The following BTNL9 variants were observed in gnomAD, a reference collection of about 807,000 sequenced individuals.
BTNL9 encodes the protein butyrophilin like 9.
In BTNL9, 45 loss-of-function variants were observed where a neutral mutation model predicts 45.8. The ratio of observed to expected loss-of-function variants is 0.98; its 90% confidence interval spans 0.77 to 1.26. The LOEUF is 1.26. Among genes scored for constraint, BTNL9 ranks in the 50% most tolerant of loss-of-function variants. The pLI, the probability that BTNL9 is intolerant of heterozygous loss-of-function variation, is 0.00. For synonymous variants in BTNL9, 346 were observed against 330.8 expected, an observed-to-expected ratio of 1.05 and a Z score of -0.50; for missense variants, 784 against 729.7, an observed-to-expected ratio of 1.07 and a Z score of -0.86.
In BTNL9 at chr5:181,059,552, T is replaced by C. The variant is rs752466398; in HGVS notation, c.1298T>C (p.Leu433Pro). The C allele has an allele frequency of 3.0e-5, 48 of 1,610,454 alleles. No individual in the cohort carries two copies. The highest frequency in any genetic ancestry group is 3.3e-4 in the Middle Eastern group (2 of 6,058). The change falls in exon 11 of 11, where the codon CTG becomes CCG. Residue 433 changes from leucine to proline, a missense_variant. Coordinates refer to ENST00000327705, the MANE Select transcript of BTNL9 (RefSeq NM_152547.5). ...GLWNGCEYFVLAPHRVALTLR... is the reference protein window; with the variant it reads ...GLWNGCEYFVPAPHRVALTLR... ...TGGAACGGCTGCGAGTACTTCGTCC[T>C]GGCCCCGCACCGCGTCGCGCTCACC...
chr5:181,050,377 G>A lies in BTNL9; in HGVS notation c.736+8G>A. On this transcript the variant is annotated splice_region_variant and intron_variant, in intron 4 of 10. Coordinates refer to ENST00000327705, the MANE Select transcript of BTNL9 (RefSeq NM_152547.5). The surrounding 1 kb of genome is among the most constrained non-coding windows in gnomAD (Gnocchi z 4.9). Reference sequence around the variant, plus strand: ...TGGTGGTCCAGATAGCAGGTCAGTGGCTGTTAGCTCACACCCATCTTCCTA... The same window carrying A: ...TGGTGGTCCAGATAGCAGGTCAGTGACTGTTAGCTCACACCCATCTTCCTA... 1 of 1,613,280 alleles carries A rather than the reference G, an allele frequency of 6.2e-7. No homozygotes were observed. The highest frequency in any genetic ancestry group is 8.5e-7 in the Non-Finnish European group (1 of 1,179,620).
chr5:181,042,248 C>A lies in BTNL9; in HGVS notation c.-24+1816C>A, dbSNP rs536783206. ...AAGGCTCCTGGGAGGACAAGCAGCACGTGCCCGCCGGCAGAGCTCAGCTCC... is the reference window on the plus strand; with the variant it reads ...AAGGCTCCTGGGAGGACAAGCAGCAAGTGCCCGCCGGCAGAGCTCAGCTCC... On this transcript the variant is annotated intron_variant, in intron 1 of 10. Coordinates refer to ENST00000327705, the MANE Select transcript of BTNL9 (RefSeq NM_152547.5). This position sits in a 1 kb window ranked among gnomAD's most constrained non-coding sequence, Gnocchi z 4.5. Among the ~76,000 whole-genome samples the A allele has an allele frequency of 1.3e-5, 2 of 152,250 alleles. No homozygotes were observed. The highest frequency in any genetic ancestry group is 2.9e-5 in the Non-Finnish European group (2 of 68,044).
At position 181,058,351 on chromosome 5, in the gene BTNL9, G is replaced by A; in HGVS notation, c.956-1G>A. On this transcript the variant is annotated splice_acceptor_variant, in intron 9 of 10. Transcript: ENST00000327705. LOFTEE classifies it high-confidence loss of function. ...TTTTCCCCTTTTCTGTTTGGTTTCA[G>A]AGTGGAGAGCAGCCCAAAAATATGC... 1 of 1,614,136 alleles carries A rather than the reference G, an allele frequency of 6.2e-7. No individual in the cohort carries two copies. The highest frequency in any genetic ancestry group is 8.5e-7 in the Non-Finnish European group (1 of 1,180,010).
At chr5:181,047,719 G>A (rs1333313465) in intron 2 of BTNL9, among the ~76,000 whole-genome samples, 2 of 152,228 alleles carry the variant, frequency 1.3e-5, no homozygotes, top group Non-Finnish European at 2.9e-5. Context: ...ATCTGGTTGT[G>A]ATGTCACCTG....
At position 181,055,983 on chromosome 5, in the gene BTNL9, C is replaced by T. The variant is rs959234200; in HGVS notation, c.929-6C>T. Reference sequence around the variant, plus strand: ...CTAATTTCCTGTTTTCCCTTGGTTGCTTCAGACTGGAGACGGGCTGAAGGC... The same window carrying T: ...CTAATTTCCTGTTTTCCCTTGGTTGTTTCAGACTGGAGACGGGCTGAAGGC... On this transcript the variant is annotated splice_polypyrimidine_tract_variant and splice_region_variant and intron_variant, in intron 8 of 10. Coordinates refer to ENST00000327705, the MANE Select transcript of BTNL9 (RefSeq NM_152547.5). This position sits in a 1 kb window ranked among gnomAD's most constrained non-coding sequence, Gnocchi z 4.4. 1.5e-5 allele frequency: 25 copies of T among 1,614,040 alleles called. No individual in the cohort carries two copies. In the Middle Eastern group the frequency reaches 6.6e-4, roughly 42 times the overall value.
intron 10 of BTNL9, 96 bp from the exon 11 acceptor site, chr5:181,059,141 T>C (rs770345627): frequency 7.3e-5 from 102 of 1,404,960 alleles, no homozygotes; most frequent in Non-Finnish European, 8.9e-5. Context: ...CCTCGATTAT[T>C]CCACCAAGAG....
At position 181,056,207 on chromosome 5, in the gene BTNL9, C is replaced by G. The variant is rs538763743; in HGVS notation, c.955+192C>G. Among the ~76,000 whole-genome samples, 3 of 152,282 alleles carry G rather than the reference C, an allele frequency of 2.0e-5. No individual in the cohort carries two copies. In the South Asian group the frequency reaches 6.2e-4, roughly 32 times the overall value. ...TAAGTGTACTGCAAACCACTAGTTC[C>G]AATCCTGGTTACATATCAGAGTTAC... On this transcript the variant is annotated intron_variant, in intron 9 of 10. Transcript: ENST00000327705.
intron 9 of BTNL9, chr5:181,056,616 AG>A (rs1187589447): frequency 1.4e-6 from 1 of 717,484 alleles, no homozygotes; most frequent in Admixed American, 2.0e-5. Context: ...CTGAATGCAT[AG>A]TCTCAAACGT....
At chr5:181,049,986 A>G in intron 3 of BTNL9, 102 bp from the exon 4 acceptor site, 1 of 1,427,134 alleles carries the variant, frequency 7.0e-7, no homozygotes, top group East Asian at 2.3e-5. Flanking sequence ...GTCACACTTC[A>G]TGATGCTTTA....
intron 1 of BTNL9, among the ~76,000 whole-genome samples, chr5:181,043,208 GTGTGTGCA>G: frequency 2.0e-5 from 3 of 151,428 alleles, no homozygotes; most frequent in Non-Finnish European, 4.4e-5. Flanking sequence ...ATGTGTCTGT[GTGTGTGCA>G]TCTGTGTGTG....
intron 1 of BTNL9, among the ~76,000 whole-genome samples, chr5:181,044,581 G>A (rs955614426): frequency 2.6e-5 from 4 of 152,214 alleles, no homozygotes; most frequent in Admixed American, 6.5e-5. Flanking sequence ...CAGAGATTTC[G>A]GTCCAGCCAA....
chr5:181,043,970 C>A (rs561168826), intron 1 of BTNL9, among the ~76,000 whole-genome samples: 1 of 152,248 alleles, frequency 6.6e-6, no homozygotes, highest in Non-Finnish European at 1.5e-5. Context: ...AACACGGCCC[C>A]GCTTCGGGGG....
At position 181,042,001 on chromosome 5, in the gene BTNL9, TCGA is replaced by T. The variant is rs1185350175; in HGVS notation, c.-24+1572_-24+1574del. ...AAAGTACTCATCTTTAAAGACAGAC[TCGA>T]CGGAGGGACCGGAAATCAGAAAAAC... On this transcript the variant is annotated intron_variant, in intron 1 of 10. Coordinates refer to ENST00000327705, the MANE Select transcript of BTNL9 (RefSeq NM_152547.5). The surrounding 1 kb of genome is among the most constrained non-coding windows in gnomAD (Gnocchi z 4.5). Among the ~76,000 whole-genome samples, 2 of 152,116 alleles carry T rather than the reference TCGA, an allele frequency of 1.3e-5. No individual in the cohort carries two copies. Among genetic ancestry groups the T allele is most frequent in the Non-Finnish European group, 2.9e-5 (2 of 68,044 alleles).
chr5:181,050,379 T>C lies in BTNL9; in HGVS notation c.736+10T>C. 1.2e-6 allele frequency: 2 copies of C among 1,613,174 alleles called. No individual in the cohort carries two copies. The highest frequency in any genetic ancestry group is 1.7e-6 in the Non-Finnish European group (2 of 1,179,530). On this transcript the variant is annotated intron_variant, in intron 4 of 10. Transcript: ENST00000327705. The surrounding 1 kb of genome is among the most constrained non-coding windows in gnomAD (Gnocchi z 4.9). Reference sequence around the variant, plus strand: ...GTGGTCCAGATAGCAGGTCAGTGGCTGTTAGCTCACACCCATCTTCCTAGT... The same window carrying C: ...GTGGTCCAGATAGCAGGTCAGTGGCCGTTAGCTCACACCCATCTTCCTAGT...
rs1353000900 is a variant in BTNL9 at position 181,050,434 on chromosome 5, G to A, written c.736+65G>A. 6.4e-7 allele frequency: 1 copy of A among 1,560,444 alleles called. No individual in the cohort carries two copies. Among genetic ancestry groups the A allele is most frequent in the Admixed American group, 1.7e-5 (1 of 57,624 alleles). On this transcript the variant is annotated intron_variant, in intron 4 of 10. Coordinates refer to ENST00000327705, the MANE Select transcript of BTNL9 (RefSeq NM_152547.5). This position sits in a 1 kb window ranked among gnomAD's most constrained non-coding sequence, Gnocchi z 4.9. ...ATGTGTACATACACATTGGCCCAAA[G>A]GCAGTCTATAAAGACACAATGGTAC...
At chr5:181,045,100 T>A (rs1312887310) in intron 1 of BTNL9, among the ~76,000 whole-genome samples, 2 of 152,232 alleles carry the variant, frequency 1.3e-5, no homozygotes, top group East Asian at 3.8e-4. Context: ...GAGATTGCCC[T>A]TTGTTTGAGG....
At position 181,060,692 on chromosome 5, in the gene BTNL9, A is replaced by G. The variant is rs1762109696; in HGVS notation, c.*830A>G. Reference sequence around the variant, plus strand: ...GGCTGTTTCCAGTCTCAAAGCAGTAACCTTATACACTACTTATAAGTTTGA... The same window carrying G: ...GGCTGTTTCCAGTCTCAAAGCAGTAGCCTTATACACTACTTATAAGTTTGA... On this transcript the variant is annotated 3_prime_UTR_variant, in exon 11 of 11. Transcript: ENST00000327705. 6.6e-6 allele frequency: 1 copy of G among 152,170 alleles called. No homozygotes were observed. Among genetic ancestry groups the G allele is most frequent in the Non-Finnish European group, 1.5e-5 (1 of 68,032 alleles). 9.4% of individuals were successfully genotyped at this position (152,170 alleles called of 1,614,324 possible). A position where few individuals can be genotyped will look rare whatever the true frequency, so the allele number is the denominator to read the frequency against.
intron 3 of BTNL9, among the ~76,000 whole-genome samples, chr5:181,049,137 C>A (rs77894847): frequency 0.013 from 2,014 of 151,568 alleles, 50 homozygotes; most frequent in African/African-American, 0.046. Context: ...GGAAAGCTCC[C>A]GGACAGGGAA....
At chr5:181,049,173 C>T (rs1761397864) in intron 3 of BTNL9, among the ~76,000 whole-genome samples, 1 of 151,910 alleles carries the variant, frequency 6.6e-6, no homozygotes, top group Non-Finnish European at 1.5e-5. Context: ...AGAGGACTAG[C>T]TGTGTGGCTA....
Sources: gnomAD v4.1 joint callset for allele counts (sites outside exome capture counted in the v4.1 genomes callset) on GRCh38, gnomAD v4.1.1 for gene constraint, Gnocchi (gnomAD v3.1) non-coding constraint, MANE v1.5 for transcripts, NCBI Gene and HGNC (gene_info 2026-07-23, HGNC 2026-07-21) for gene names.